Variants in GPR139 observed in about 807,000 individuals in gnomAD.
GPR139 encodes the protein probable G protein-coupled receptor 139.
Under a neutral mutation model 25.8 loss-of-function variants are expected in GPR139, and 12 were observed. That is an observed-to-expected ratio of 0.47 (90% confidence interval 0.30 to 0.75). GPR139 has a LOEUF of 0.75. Among genes scored for constraint, GPR139 ranks in the 30% least tolerant of loss-of-function variants. The pLI is 0.07. For missense variants in GPR139, 380 were observed against 450.2 expected (o/e 0.84, Z 1.41); for synonymous variants, 184 against 179.9 (o/e 1.02, Z -0.18).
At chr16:20,037,148 A>G (rs1485921943) in intron 1 of GPR139, among the ~76,000 whole-genome samples, 1 of 152,148 alleles carries the variant, frequency 6.6e-6, no homozygotes, top group East Asian at 1.9e-4. Flanking sequence ...ATTTCGGTCC[A>G]ATCAAGGATG....
intron 1 of GPR139, among the ~76,000 whole-genome samples, chr16:20,043,118 T>C (rs2057342331): frequency 6.6e-6 from 1 of 152,226 alleles, no homozygotes; most frequent in African/African-American, 2.4e-5. Flanking sequence ...AGAGATAAGA[T>C]GGCTGCTATT....
chr16:20,056,854 T>G (rs12447431), intron 1 of GPR139, among the ~76,000 whole-genome samples: 77,477 of 151,980 alleles, frequency 0.51, 20,236 homozygotes, highest in East Asian at 0.69. Context: ...GATTGTTTCA[T>G]CACAATATTC....
chr16:20,063,644 C>T (rs2057421763), intron 1 of GPR139, among the ~76,000 whole-genome samples: 1 of 152,204 alleles, frequency 6.6e-6, no homozygotes, highest in South Asian at 2.1e-4. Flanking sequence ...ACTTGTACCA[C>T]CTAAAATAAT....
chr16:20,035,431 T>C (rs1596463855), intron 1 of GPR139, among the ~76,000 whole-genome samples: 1 of 152,232 alleles, frequency 6.6e-6, no homozygotes. Flanking sequence ...TAAAGGTCTT[T>C]ATATTTGTAA....
chr16:20,061,732 C>T (rs1864098869), intron 1 of GPR139, among the ~76,000 whole-genome samples: 1 of 152,328 alleles, frequency 6.6e-6, no homozygotes, highest in Non-Finnish European at 1.5e-5. Context: ...TACTAGGATC[C>T]AAGGTAGTCA....
chr16:20,049,598 A>T (rs924961171), intron 1 of GPR139, among the ~76,000 whole-genome samples: 1 of 152,214 alleles, frequency 6.6e-6, no homozygotes, highest in Non-Finnish European at 1.5e-5. Flanking sequence ...TCATTTCCCT[A>T]TTGAATGTGA....
Position 20,029,492 on chromosome 16 carries a change from T to A in GPR139, c.*2243A>T, listed in dbSNP as rs11640431. Reference sequence around the variant, plus strand: ...TAAAAAATAAATAAATAAATATATATATATATATATATTCAGTATAGGTAG... The same window carrying A: ...TAAAAAATAAATAAATAAATATATAAATATATATATATTCAGTATAGGTAG... On this transcript the variant is annotated 3_prime_UTR_variant, in exon 2 of 2. Coordinates refer to ENST00000570682, the MANE Select transcript of GPR139 (RefSeq NM_001002911.4). Among the ~76,000 whole-genome samples, 463 of 89,278 alleles carry A rather than the reference T, an allele frequency of 5.2e-3. 3 individuals carry two copies. The highest frequency in any genetic ancestry group is 0.015 in the African/African-American group (431 of 28,866). 58.6% of individuals were successfully genotyped at this position (89,278 alleles called of 152,430 possible).
chr16:20,038,811 C>T (rs1468790975), intron 1 of GPR139, among the ~76,000 whole-genome samples: 3 of 152,196 alleles, frequency 2.0e-5, no homozygotes, highest in Admixed American at 6.5e-5. Flanking sequence ...GCTATAACTC[C>T]CCATATTTAA....
At chr16:20,063,086 T>G (rs115218771) in intron 1 of GPR139, among the ~76,000 whole-genome samples, 2,069 of 152,334 alleles carry the variant, frequency 0.014, 47 homozygotes, top group African/African-American at 0.048. Flanking sequence ...TGAAATGAAA[T>G]GAAATAAAAA....
chr16:20,061,214 G>GATGGATGT (rs1491253621), intron 1 of GPR139, among the ~76,000 whole-genome samples: 1 of 146,592 alleles, frequency 6.8e-6, no homozygotes, highest in African/African-American at 2.6e-5. Flanking sequence ...TGGATGGATG[G>GATGGATGT]ATGGATGGAT....
chr16:20,064,039 T>G (rs1015173550), intron 1 of GPR139, among the ~76,000 whole-genome samples: 3 of 152,196 alleles, frequency 2.0e-5, no homozygotes, highest in Non-Finnish European at 4.4e-5. Context: ...GAAAACTGCC[T>G]TATAAAATCA....
chr16:20,040,485 T>C (rs2057326041), intron 1 of GPR139, among the ~76,000 whole-genome samples: 1 of 152,252 alleles, frequency 6.6e-6, no homozygotes, highest in South Asian at 2.1e-4. Context: ...TAATAGATTT[T>C]TCCATATGTC....
At chr16:20,043,210 T>C (rs1329871697) in intron 1 of GPR139, among the ~76,000 whole-genome samples, 1 of 152,220 alleles carries the variant, frequency 6.6e-6, no homozygotes, top group Non-Finnish European at 1.5e-5. Flanking sequence ...TGCCAACCAA[T>C]TGACCTCCTC....
At chr16:20,052,397 T>A (rs1012400296) in intron 1 of GPR139, among the ~76,000 whole-genome samples, 3 of 152,204 alleles carry the variant, frequency 2.0e-5, no homozygotes, top group Non-Finnish European at 4.4e-5. Context: ...TAAGAGAACA[T>A]GGAAATCATA....
At position 20,073,438 on chromosome 16, in the gene GPR139, T is replaced by C. The variant is rs534379640; in HGVS notation, c.127+52A>G. On this transcript the variant is annotated intron_variant, in intron 1 of 1. Transcript: ENST00000570682. The surrounding 1 kb of genome is among the most constrained non-coding windows in gnomAD (Gnocchi z 4.7). Reference sequence around the variant, plus strand: ...GAGGACGGGGGATTCTGGGTAGGGTTGCCCGGCACTTGGGGTTCCTGGCTT... The same window carrying C: ...GAGGACGGGGGATTCTGGGTAGGGTCGCCCGGCACTTGGGGTTCCTGGCTT... The C allele has an allele frequency of 6.3e-7, 1 of 1,590,048 alleles. No homozygotes were observed. The highest frequency in any genetic ancestry group is 1.1e-5 in the South Asian group (1 of 87,290).
intron 1 of GPR139, among the ~76,000 whole-genome samples, chr16:20,069,743 C>T (rs1218277119): frequency 6.6e-6 from 1 of 152,156 alleles, no homozygotes; most frequent in African/African-American, 2.4e-5. Flanking sequence ...TTTAATTTCA[C>T]ACTGCTCCTT....
intron 1 of GPR139, among the ~76,000 whole-genome samples, chr16:20,058,905 T>A (rs145929641): frequency 0.014 from 2,061 of 152,334 alleles, 27 homozygotes; most frequent in Non-Finnish European, 0.021. Context: ...CTCTCCACTG[T>A]GCCGCGGGCG....
intron 1 of GPR139, among the ~76,000 whole-genome samples, chr16:20,037,143 G>A (rs913278031): frequency 7.2e-5 from 11 of 152,038 alleles, no homozygotes; most frequent in African/African-American, 1.9e-4. Flanking sequence ...GCGATATTTC[G>A]GTCCAATCAA....
In GPR139 at chr16:20,029,487, AT is replaced by A. The variant is rs869121094; in HGVS notation, c.*2247del. Among the ~76,000 whole-genome samples, 177 of 6,980 alleles carry A rather than the reference AT, an allele frequency of 0.025. 3 individuals are homozygous for A. The highest frequency in any genetic ancestry group is 0.1 in the Non-Finnish European group (96 of 920). The allele number at this position is 6,980 out of a possible 152,430, so 4.6% of individuals were successfully genotyped here. On this transcript the variant is annotated 3_prime_UTR_variant, in exon 2 of 2. Coordinates refer to ENST00000570682, the MANE Select transcript of GPR139 (RefSeq NM_001002911.4). The stretch of plus-strand genomic sequence containing the variant: ...ATGTTTAAAAAATAAATAAATAAAT[AT>A]ATATATATATATATATTCAGTATAG...
Sources: gnomAD v4.1 joint callset for allele counts (sites outside exome capture counted in the v4.1 genomes callset) on GRCh38, gnomAD v4.1.1 for gene constraint, Gnocchi (gnomAD v3.1) non-coding constraint, MANE v1.5 for transcripts, NCBI Gene and HGNC (gene_info 2026-07-23, HGNC 2026-07-21) for gene names.